Variants in TMTC2 observed in about 807,000 individuals in gnomAD.
TMTC2 encodes protein O-mannosyl-transferase TMTC2.
Under a neutral mutation model 82.4 loss-of-function variants are expected in TMTC2, and 43 were observed. The ratio of observed to expected loss-of-function variants is 0.52; its 90% CI spans 0.41 to 0.67. The LOEUF (loss-of-function observed/expected upper bound fraction) is 0.67. Ranked by LOEUF, TMTC2 falls within the 30% of genes least tolerant of loss-of-function variation. The pLI, the probability that TMTC2 is intolerant of heterozygous loss-of-function variation, is 0.00. For synonymous variants in TMTC2, 408 were observed against 381.9 expected, an observed-to-expected ratio of 1.07 and a Z score of -0.80; for missense variants, 919 against 1,012.4, an observed-to-expected ratio of 0.91 and a Z score of 1.25.
intron 1 of TMTC2, among the ~76,000 whole-genome samples, chr12:82,748,519 G>A (rs1274961196): frequency 3.3e-5 from 5 of 151,962 alleles, no homozygotes; most frequent in East Asian, 1.9e-4. Flanking sequence ...GAGACTAATA[G>A]TATTAACTTT....
In TMTC2 at chr12:82,747,016, C is replaced by T. The variant is rs115780788; in HGVS notation, c.83+59347C>T. On this transcript the variant is annotated intron_variant, in intron 1 of 11. Coordinates refer to ENST00000321196, the MANE Select transcript of TMTC2 (RefSeq NM_152588.3). ...CTTCCAGATAAGAGCCCAGTCTGGC[C>T]ATTACCTTGATTTTGGCTTGATGGG... 1.4e-3 allele frequency among the ~76,000 whole-genome samples: 210 copies of T among 152,294 alleles called. 1 individual carries two copies. Among genetic ancestry groups the T allele is most frequent in the African/African-American group, 4.9e-3 (203 of 41,570 alleles).
intron 11 of TMTC2, among the ~76,000 whole-genome samples, chr12:83,109,406 A>G (rs1195590216): frequency 6.6e-6 from 1 of 152,240 alleles, no homozygotes; most frequent in Non-Finnish European, 1.5e-5. Context: ...GGGAATTACA[A>G]TTAGACATGG....
At chr12:82,800,470 C>T (rs2137035078) in intron 1 of TMTC2, among the ~76,000 whole-genome samples, 1 of 152,256 alleles carries the variant, frequency 6.6e-6, no homozygotes, top group South Asian at 2.1e-4. Flanking sequence ...CACCAGACTG[C>T]TTTCTCCTCT....
chr12:82,965,090 G>A lies in TMTC2; in HGVS notation c.1665G>A (p.Gly555=). 1 of 1,612,088 alleles carries A rather than the reference G, an allele frequency of 6.2e-7. No individual in the cohort carries two copies. Among genetic ancestry groups the A allele is most frequent in the Non-Finnish European group, 8.5e-7 (1 of 1,178,644 alleles). Residue 555 remains glycine, a synonymous_variant, in exon 5 of 12, where the codon GGG becomes GGA. Transcript: ENST00000321196. ...EALHYYKLAI[G]SRPTLASAYL... ...TACATTATTATAAATTGGCCATTGG[G>A]AGCAGGCCTACCCTGGCTTGTAAGT...
intron 2 of TMTC2, among the ~76,000 whole-genome samples, chr12:82,862,573 G>C (rs1414771029): frequency 1.3e-5 from 2 of 152,132 alleles, no homozygotes; most frequent in African/African-American, 4.8e-5. Context: ...TCCAAGATGT[G>C]CATTATCTAG....
chr12:83,067,290 G>T (rs1294675433), intron 11 of TMTC2, among the ~76,000 whole-genome samples: 4 of 151,972 alleles, frequency 2.6e-5, no homozygotes, highest in African/African-American at 9.7e-5. Flanking sequence ...AGTGGGTGGT[G>T]TAAGACTTAT....
At chr12:82,858,758 T>A (rs927652272) in intron 2 of TMTC2, among the ~76,000 whole-genome samples, 1 of 152,138 alleles carries the variant, frequency 6.6e-6, no homozygotes, top group Non-Finnish European at 1.5e-5. Context: ...TCTTTTGTGA[T>A]TTCAATTAAA....
intron 4 of TMTC2, among the ~76,000 whole-genome samples, chr12:82,954,956 G>A (rs144013222): frequency 1.3e-5 from 2 of 152,298 alleles, no homozygotes; most frequent in African/African-American, 2.4e-5. Context: ...GAAAAATAAT[G>A]TAATCCTTTT....
intron 1 of TMTC2, among the ~76,000 whole-genome samples, chr12:82,795,762 C>A (rs1461417977): frequency 6.6e-6 from 1 of 152,118 alleles, no homozygotes; most frequent in African/African-American, 2.4e-5. Context: ...ATCTTGGAGG[C>A]AGAGAGCAGC....
chr12:82,753,855 A>G (rs977224091), intron 1 of TMTC2, among the ~76,000 whole-genome samples: 1 of 152,232 alleles, frequency 6.6e-6, no homozygotes, highest in African/African-American at 2.4e-5. Context: ...GTGGTTGAGG[A>G]AATACAGGTA....
intron 4 of TMTC2, among the ~76,000 whole-genome samples, chr12:82,949,241 A>C (rs1877213018): frequency 6.6e-6 from 1 of 152,238 alleles, no homozygotes; most frequent in Admixed American, 6.5e-5. Context: ...ATAGCAAAGA[A>C]TAGATAGTAA....
chr12:82,932,124 A>G (rs1353637027), intron 4 of TMTC2, among the ~76,000 whole-genome samples: 1 of 152,170 alleles, frequency 6.6e-6, no homozygotes, highest in Non-Finnish European at 1.5e-5. Context: ...TGTATTGGCT[A>G]AGTCTAAAGG....
intron 1 of TMTC2, among the ~76,000 whole-genome samples, chr12:82,734,275 C>T (rs1874976809): frequency 6.6e-6 from 1 of 152,162 alleles, no homozygotes; most frequent in Non-Finnish European, 1.5e-5. Context: ...GGGCTAAAGT[C>T]AAGGTGTTAA....
intron 1 of TMTC2, among the ~76,000 whole-genome samples, chr12:82,721,344 T>C (rs1874197331): frequency 6.6e-6 from 1 of 152,244 alleles, no homozygotes; most frequent in Admixed American, 6.5e-5. Flanking sequence ...CAGAAAATAT[T>C]GACAAAGGAG....
intron 2 of TMTC2, among the ~76,000 whole-genome samples, chr12:82,885,328 TTTG>T (rs1227495842): frequency 6.6e-6 from 1 of 151,930 alleles, no homozygotes; most frequent in Admixed American, 6.6e-5. Flanking sequence ...TTTTTTTAAT[TTTG>T]TTATCTGTTT....
At chr12:82,858,092 CGTG>C in intron 2 of TMTC2, among the ~76,000 whole-genome samples, 1 of 152,212 alleles carries the variant, frequency 6.6e-6, no homozygotes, top group East Asian at 1.9e-4. Flanking sequence ...ACCTTTTTCT[CGTG>C]ATAGTGCATA....
chr12:82,986,008 C>T lies in TMTC2; in HGVS notation c.2032C>T (p.Pro678Ser). 1 of 1,613,972 alleles carries T rather than the reference C, an allele frequency of 6.2e-7. No individual in the cohort carries two copies. The highest frequency in any genetic ancestry group is 8.5e-7 in the Non-Finnish European group (1 of 1,179,926). Residue 678 changes from proline (P) to serine (S), a missense_variant, in exon 8 of 12, where the codon CCT becomes TCT. Pro to Ser is a moderately conservative substitution (Grantham distance 74, BLOSUM62 -1). Transcript: ENST00000321196. ...ESLRSKTDHI[P>S]AHLTYGKLLA... ...ACTGAGATCCAAGACTGACCACATC[C>T]CTGCTCATCTCACCTATGGGAAGCT... is the stretch of plus-strand genomic sequence containing the variant.
chr12:82,720,729 A>G (rs955917594), intron 1 of TMTC2, among the ~76,000 whole-genome samples: 1 of 152,108 alleles, frequency 6.6e-6, no homozygotes, highest in African/African-American at 2.4e-5. Context: ...GCTTGTTGTT[A>G]TCTGTCTTTG....
At position 83,028,762 on chromosome 12, in the gene TMTC2, G is replaced by A. The variant is rs181385695; in HGVS notation, c.2071-2036G>A. Among the ~76,000 whole-genome samples the A allele has an allele frequency of 4.8e-4, 73 of 152,170 alleles. 1 individual carries two copies. The highest frequency in any genetic ancestry group is 1.6e-3 in the African/African-American group (67 of 41,522). On this transcript the variant is annotated intron_variant, in intron 8 of 11. Coordinates refer to ENST00000321196, the MANE Select transcript of TMTC2 (RefSeq NM_152588.3). ...ATTCATACATTAGGCTGCCTGATTT[G>A]TTACAGTTACTAAATCATTTAGAGA...
Sources: gnomAD v4.1 joint callset for allele counts (sites outside exome capture counted in the v4.1 genomes callset) on GRCh38, gnomAD v4.1.1 for gene constraint, MANE v1.5 for transcripts, NCBI Gene and HGNC (gene_info 2026-07-23, HGNC 2026-07-21) for gene names.